The following SCN2A variants were observed in gnomAD, a reference collection of about 807,000 sequenced individuals.
The protein encoded by SCN2A is sodium voltage-gated channel alpha subunit 2, also known as sodium channel protein type 2 subunit alpha.
A neutral mutation model predicts 188.7 loss-of-function variants in SCN2A; 20 were observed. The ratio of observed to expected loss-of-function variants is 0.11; its 90% CI spans 0.07 to 0.15. SCN2A has a LOEUF of 0.15. Ranked by LOEUF, SCN2A falls within the 10% of genes least tolerant of loss-of-function variation. The probability of loss-of-function intolerance (pLI) is 1.00; values close to 1 mark genes in which losing one functional copy is unlikely to be tolerated. For synonymous variants in SCN2A, 804 were observed against 833.1 expected (o/e 0.97, Z 0.60); for missense variants, 1,278 against 2,445.0 (o/e 0.52, Z 10.07).
In SCN2A at chr2:165,389,728, G is replaced by A. The variant is rs1260616318; in HGVS notation, c.5922G>A (p.Ser1974=). 4 of 1,613,618 alleles carry A rather than the reference G, an allele frequency of 2.5e-6. No homozygotes were observed. The highest frequency in any genetic ancestry group is 2.2e-5 in the East Asian group (1 of 44,872). ...CGCCTTCCACCACGTCTCCACCCTC[G>A]TATGATAGTGTGACCAAACCAGAAA... ...DMTPSTTSPP[S]YDSVTKPEKE... Residue 1974 remains serine, a synonymous_variant, in exon 27 of 27, where the codon TCG becomes TCA. Transcript: ENST00000375437. This position sits in a 1 kb window ranked among gnomAD's most constrained non-coding sequence, Gnocchi z 4.2.
chr2:165,315,515 T>A lies in SCN2A; in HGVS notation c.1428T>A (p.Gly476=), dbSNP rs1173024113. Residue 476 remains glycine (G), a synonymous_variant, in exon 11 of 27, where the codon GGT becomes GGA. Transcript: ENST00000375437. ...AASAESRDFS[G]AGGIGVFSES... The stretch of plus-strand genomic sequence containing the variant: ...CTGCTGAATCAAGAGACTTCAGTGG[T>A]GCTGGTGGGATAGGAGTTTTTTCAG... The A allele has an allele frequency of 6.2e-7, 1 of 1,613,966 alleles. No individual in the cohort carries two copies. Among genetic ancestry groups the A allele is most frequent in the Admixed American group, 1.7e-5 (1 of 60,004 alleles).
intron 1 of SCN2A, among the ~76,000 whole-genome samples, chr2:165,291,345 GTCGTTCGTTCCTTCCT>G (rs1208362924): frequency 0.027 from 2,766 of 102,708 alleles, 71 homozygotes; most frequent in Non-Finnish European, 0.037. Flanking sequence ...GGACTTGTCT[GTCGTTCGTTCCTTCCT>G]TCCTTCCTTC....
In SCN2A at chr2:165,374,671, T is replaced by A; in HGVS notation, c.3973-14T>A. 6.2e-7 allele frequency: 1 copy of A among 1,612,438 alleles called. No individual in the cohort carries two copies. The highest frequency in any genetic ancestry group is 8.5e-7 in the Non-Finnish European group (1 of 1,179,040). ...TTGGCTTTTCACTTATTTTTCCTTC[T>A]CATCCTGTGCCAGGTTGTTGTAAAT... On this transcript the variant is annotated splice_polypyrimidine_tract_variant and intron_variant, in intron 21 of 26. Transcript: ENST00000375437.
At chr2:165,326,579 G>A (rs1006012395) in intron 12 of SCN2A, among the ~76,000 whole-genome samples, 1 of 152,154 alleles carries the variant, frequency 6.6e-6, no homozygotes. Context: ...AAGGTTATCT[G>A]TCCAGTAGTG....
At chr2:165,330,476 C>A (rs1466143902) in intron 13 of SCN2A, among the ~76,000 whole-genome samples, 1 of 152,086 alleles carries the variant, frequency 6.6e-6, no homozygotes, top group African/African-American at 2.4e-5. Context: ...TGTCTTCTCT[C>A]CCAATGTTTG....
rs1445312692 is a variant in SCN2A at position 165,354,523 on chromosome 2, A to G, written c.3251A>G (p.Lys1084Arg). 1 of 1,614,140 alleles carries G rather than the reference A, an allele frequency of 6.2e-7. No homozygotes were observed. Among genetic ancestry groups the G allele is most frequent in the East Asian group, 2.2e-5 (1 of 44,864 alleles). Residue 1084 changes from lysine (K) to arginine (R), a missense_variant, in exon 17 of 27, where the codon AAA (lysine) becomes AGA (arginine). Lys to Arg is a conservative substitution (Grantham distance 26). This residue lies in a region of SCN2A where 228 missense variants were observed against 297.3 expected (regional missense o/e 0.77). Transcript: ENST00000375437. The stretch of plus-strand genomic sequence containing the variant: ...AGTGGCATAGGCAGCAGTGTAGAAA[A>G]ATATGTCGTGGATGAAAGTGATTAC... ...TTSGIGSSVE[K>R]YVVDESDYMS... is the part of the protein sequence containing the mutation.
At chr2:165,351,373 G>C (rs1342229364) in intron 16 of SCN2A, among the ~76,000 whole-genome samples, 1 of 152,066 alleles carries the variant, frequency 6.6e-6, no homozygotes, top group African/African-American at 2.4e-5. Flanking sequence ...TCCTGACAGT[G>C]GAATAGCATT....
At chr2:165,247,064 C>T (rs1030363864) in intron 1 of SCN2A, among the ~76,000 whole-genome samples, 2 of 152,082 alleles carry the variant, frequency 1.3e-5, no homozygotes, top group Non-Finnish European at 2.9e-5. Flanking sequence ...AACCTGACCT[C>T]CCACCCATTA....
chr2:165,267,094 G>C (rs1490652401), intron 1 of SCN2A: 1 of 151,942 alleles, frequency 6.6e-6, no homozygotes, highest in Non-Finnish European at 1.5e-5. Flanking sequence ...GTGATCTGTG[G>C]ATTCAATGAA....
chr2:165,363,586 A>G (rs917181542), intron 17 of SCN2A, among the ~76,000 whole-genome samples: 5 of 152,144 alleles, frequency 3.3e-5, no homozygotes, highest in African/African-American at 1.2e-4. Context: ...GTGTATAGAA[A>G]CATAGTTATA....
At chr2:165,336,973 C>T (rs572129002) in intron 14 of SCN2A, among the ~76,000 whole-genome samples, 15 of 151,524 alleles carry the variant, frequency 9.9e-5, no homozygotes, top group South Asian at 6.2e-4. Context: ...TAGATTAAAG[C>T]GGTACATAGA....
intron 23 of SCN2A, among the ~76,000 whole-genome samples, chr2:165,378,681 T>C (rs762022453): frequency 4.0e-5 from 6 of 151,760 alleles, no homozygotes; most frequent in Non-Finnish European, 8.8e-5. Context: ...ATTAATTCAA[T>C]GCTCTCTCCA....
chr2:165,288,543 A>C (rs536745285), intron 1 of SCN2A, among the ~76,000 whole-genome samples: 4 of 151,982 alleles, frequency 2.6e-5, no homozygotes, highest in Admixed American at 6.6e-5. Flanking sequence ...TAGCATTAAA[A>C]AAAAAAAACA....
chr2:165,259,207 AATC>A (rs1694467677), intron 1 of SCN2A, among the ~76,000 whole-genome samples: 1 of 152,252 alleles, frequency 6.6e-6, no homozygotes, highest in Non-Finnish European at 1.5e-5. Flanking sequence ...AAATGCAAAT[AATC>A]ATCTGAGTCT....
intron 1 of SCN2A, chr2:165,293,703 C>A: frequency 2.8e-6 from 1 of 355,830 alleles, no homozygotes; most frequent in Non-Finnish European, 3.9e-6. Flanking sequence ...GACTTTCTGA[C>A]ATAGCAAATA....
At chr2:165,251,059 A>G (rs889861002) in intron 1 of SCN2A, among the ~76,000 whole-genome samples, 1 of 152,132 alleles carries the variant, frequency 6.6e-6, no homozygotes, top group African/African-American at 2.4e-5. Flanking sequence ...GTTTCTGACT[A>G]TAATTCAGTA....
chr2:165,284,047 C>CTCTCTCTCTATT (rs1553562730), intron 1 of SCN2A, among the ~76,000 whole-genome samples: 1 of 151,934 alleles, frequency 6.6e-6, no homozygotes, highest in Non-Finnish European at 1.5e-5. Flanking sequence ...CTCTAGTTCT[C>CTCTCTCTCTATT]TCTCTCTCTC....
At chr2:165,347,288 T>C (rs1699646502) in intron 16 of SCN2A, among the ~76,000 whole-genome samples, 1 of 152,186 alleles carries the variant, frequency 6.6e-6, no homozygotes, top group Non-Finnish European at 1.5e-5. Context: ...TCATGTCCTT[T>C]GCAGGGACAT....
chr2:165,350,464 C>CTTTTTTTTTTTTTTTTTTTTTTTT (rs71028479), intron 16 of SCN2A, among the ~76,000 whole-genome samples: 28 of 73,840 alleles, frequency 3.8e-4, no homozygotes, highest in Non-Finnish European at 5.2e-4. Context: ...TGTTTTCTTT[C>CTTTTTTTTTTTTTTTTTTTTTTTT]TTTTTTTTTT....
Sources: gnomAD v4.1 joint callset for allele counts (sites outside exome capture counted in the v4.1 genomes callset) on GRCh38, gnomAD v4.1.1 for gene constraint, gnomAD v4.1.1 regional missense constraint, Gnocchi (gnomAD v3.1) non-coding constraint, MANE v1.5 for transcripts, NCBI Gene and HGNC (gene_info 2026-07-23, HGNC 2026-07-21) for gene names.